Variants in GLIS3 observed in about 807,000 individuals in gnomAD.
GLIS3 encodes the protein GLIS family zinc finger 3, also known as zinc finger protein GLIS3.
Under a neutral mutation model 78.6 loss-of-function variants are expected in GLIS3, and 53 were observed. That is an observed-to-expected ratio of 0.67 (90% CI 0.54 to 0.85). The LOEUF (loss-of-function observed/expected upper bound fraction) is 0.85, where lower values mean the gene tolerates loss of function less well. GLIS3 is among the 40% of genes least tolerant of loss of function. GLIS3 has a pLI of 0.00. For synonymous variants in GLIS3, 684 were observed against 509.9 expected, an observed-to-expected ratio of 1.34 and a Z score of -4.60; for missense variants, 1,703 against 1,231.1, an observed-to-expected ratio of 1.38 and a Z score of -5.74.
At chr9:4,251,225 T>C (rs1276952911) in intron 2 of GLIS3, among the ~76,000 whole-genome samples, 1 of 152,206 alleles carries the variant, frequency 6.6e-6, no homozygotes, top group Non-Finnish European at 1.5e-5. Flanking sequence ...CTCCCACTAC[T>C]ATTATTTCGG....
intron 4 of GLIS3, among the ~76,000 whole-genome samples, chr9:3,983,032 G>C (rs1819430265): frequency 6.6e-6 from 1 of 152,198 alleles, no homozygotes; most frequent in Non-Finnish European, 1.5e-5. Context: ...CATGGAGCTT[G>C]ATGTGGTTGG....
chr9:4,077,901 T>C (rs1340246), intron 4 of GLIS3, among the ~76,000 whole-genome samples: 94,617 of 152,032 alleles, frequency 0.62, 29,662 homozygotes, highest in Non-Finnish European at 0.65. Flanking sequence ...TAAGTTTTAA[T>C]AATTCCAATC....
At chr9:3,966,075 G>A (rs1034747352) in intron 4 of GLIS3, among the ~76,000 whole-genome samples, 2 of 152,162 alleles carry the variant, frequency 1.3e-5, no homozygotes, top group Non-Finnish European at 2.9e-5. Flanking sequence ...TGAAATTGTG[G>A]TCTTTTGTTC....
rs71324297 is a variant in GLIS3, at chr9:4,296,903, CA to C, written c.-99+2517del. On this transcript the variant is annotated intron_variant, in intron 1 of 10. Coordinates refer to ENST00000381971, the MANE Select transcript of GLIS3 (RefSeq NM_001042413.2). ...TTACACCTCAGCTTGTTCTCAATTG[CA>C]AAAAAAAAAAAAAAAAAAAAAAATG... 3.8e-3 allele frequency among the ~76,000 whole-genome samples: 430 copies of C among 114,116 alleles called. 2 individuals carry two copies. The highest frequency in any genetic ancestry group is 0.012 in the East Asian group (44 of 3,782). 74.9% of individuals were successfully genotyped at this position (114,116 alleles called of 152,430 possible).
the GLIS3 span, among the ~76,000 whole-genome samples, chr9:4,394,302 TTAAA>T: frequency 3.3e-5 from 5 of 151,232 alleles, no homozygotes; most frequent in Admixed American, 1.3e-4. Flanking sequence ...ATTATTTAAA[TTAAA>T]TAATTTAAAA....
At chr9:4,285,872 T>TAC in intron 2 of GLIS3, 166 bp downstream of exon 2, 1 of 799,366 alleles carries the variant, frequency 1.3e-6, no homozygotes, top group Admixed American at 2.0e-5. Flanking sequence ...CTCCAACACA[T>TAC]ACACACCCAT....
chr9:4,385,054 G>A, the GLIS3 span, among the ~76,000 whole-genome samples: 3,497 of 152,266 alleles, frequency 0.023, 235 homozygotes, highest in East Asian at 0.25. Flanking sequence ...AACAATAGTG[G>A]AGCAATATAT....
At chr9:4,001,343 G>T (rs2129916809) in intron 4 of GLIS3, among the ~76,000 whole-genome samples, 1 of 152,226 alleles carries the variant, frequency 6.6e-6, no homozygotes, top group African/African-American at 2.4e-5. Flanking sequence ...GCCTGTCAAA[G>T]ACTAAAGTTT....
chr9:4,428,574 T>C, the GLIS3 span, among the ~76,000 whole-genome samples: 3 of 151,884 alleles, frequency 2.0e-5, no homozygotes, highest in Non-Finnish European at 4.4e-5. Context: ...ATGTGTGGTT[T>C]CAGAGGGCTA....
rs188233391 is a variant in GLIS3, at chr9:3,994,883, G to T, written c.1711-57694C>A. 5.9e-5 allele frequency among the ~76,000 whole-genome samples: 9 copies of T among 151,280 alleles called. No homozygotes were observed. The East Asian group carries it at 1.7e-3, about 29-fold the overall frequency. ...ATGGCTGCCCTACAGATAAAGTGAGGGAATGCCTCAGAGGCCAGAAAACAA... is the reference window on the plus strand; with the variant it reads ...ATGGCTGCCCTACAGATAAAGTGAGTGAATGCCTCAGAGGCCAGAAAACAA... On this transcript the variant is annotated intron_variant, in intron 4 of 10. Coordinates refer to ENST00000381971, the MANE Select transcript of GLIS3 (RefSeq NM_001042413.2).
chr9:4,215,032 A>C lies in GLIS3; in HGVS notation c.388+71006T>G, dbSNP rs147863568. ...AAAAGCCCTGTACAGTGATTAGAAC[A>C]AAAACGATGGCTCTACCCTTACAGC... On this transcript the variant is annotated intron_variant, in intron 2 of 10. Coordinates refer to ENST00000381971, the MANE Select transcript of GLIS3 (RefSeq NM_001042413.2). Among the ~76,000 whole-genome samples, 661 of 152,336 alleles carry C rather than the reference A, an allele frequency of 4.3e-3. 4 individuals are homozygous for C. The highest frequency in any genetic ancestry group is 7.5e-3 in the Non-Finnish European group (513 of 68,036).
chr9:4,042,129 GT>G (rs374387481), intron 4 of GLIS3, among the ~76,000 whole-genome samples: 17 of 149,064 alleles, frequency 1.1e-4, no homozygotes, highest in Middle Eastern at 3.4e-3. Flanking sequence ...TTGGGTTTTT[GT>G]TTTTTTTTTC....
the GLIS3 span, among the ~76,000 whole-genome samples, chr9:4,451,384 C>T: frequency 6.6e-6 from 1 of 152,064 alleles, no homozygotes; most frequent in Non-Finnish European, 1.5e-5. Context: ...ACTTAGACTC[C>T]CACACAATAA....
chr9:4,202,833 G>T (rs957434283), intron 2 of GLIS3, among the ~76,000 whole-genome samples: 7 of 152,192 alleles, frequency 4.6e-5, no homozygotes, highest in Admixed American at 2.0e-4. Context: ...ATGGATTAAA[G>T]ATTTAAATGT....
rs371989734 is a variant in GLIS3, at chr9:3,974,047, T to C, written c.1711-36858A>G. On this transcript the variant is annotated intron_variant, in intron 4 of 10. Coordinates refer to ENST00000381971, the MANE Select transcript of GLIS3 (RefSeq NM_001042413.2). ...TAAGTGCGAAAAATAAATGGACATA[T>C]GGTACAAATTCTCACTCATTTATAC... Among the ~76,000 whole-genome samples, 8 of 152,296 alleles carry C rather than the reference T, an allele frequency of 5.3e-5. No homozygotes were observed. In the East Asian group the frequency reaches 5.8e-4, roughly 11 times the overall value.
chr9:3,977,183 C>T lies in GLIS3; in HGVS notation c.1711-39994G>A, dbSNP rs1172976327. Among the ~76,000 whole-genome samples, 2 of 152,076 alleles carry T rather than the reference C, an allele frequency of 1.3e-5. No individual in the cohort carries two copies. The highest frequency in any genetic ancestry group is 3.8e-4 in the East Asian group (2 of 5,196). ...TACCGAATGCTTACAACTCCCAAGC[C>T]GGGAGAAATATTGTCAGTTCAGATG... On this transcript the variant is annotated intron_variant, in intron 4 of 10. Transcript: ENST00000381971. This position sits in a 1 kb window ranked among gnomAD's most constrained non-coding sequence, Gnocchi z 4.1.
intron 4 of GLIS3, among the ~76,000 whole-genome samples, chr9:4,005,569 T>C (rs1170449092): frequency 6.6e-6 from 1 of 152,078 alleles, no homozygotes; most frequent in Non-Finnish European, 1.5e-5. Flanking sequence ...ATCAATAAAG[T>C]GGGGATAAGA....
chr9:3,829,652 A>C (rs1817934057), intron 9 of GLIS3, among the ~76,000 whole-genome samples, 160 bp from the exon 10 acceptor site: 2 of 152,184 alleles, frequency 1.3e-5, no homozygotes. Context: ...TTTGGAATGC[A>C]CTGTTGGGCT....
At chr9:4,375,413 G>A in the GLIS3 span, among the ~76,000 whole-genome samples, 9 of 152,268 alleles carry the variant, frequency 5.9e-5, no homozygotes, top group South Asian at 1.9e-3. Flanking sequence ...CTTTAATGAA[G>A]GATGAAAACA....
Sources: allele counts gnomAD v4.1 joint callset (sites outside exome capture counted in the v4.1 genomes callset), GRCh38; gene constraint gnomAD v4.1.1; non-coding constraint Gnocchi (gnomAD v3.1); transcripts MANE v1.5; gene names NCBI Gene and HGNC (gene_info 2026-07-23, HGNC 2026-07-21).